Variants in CEP162 observed in about 807,000 individuals in gnomAD.
CEP162 encodes centrosomal protein of 162 kDa.
Under a neutral mutation model 169.2 loss-of-function variants are expected in CEP162, and 141 were observed. The ratio of observed to expected loss-of-function variants is 0.83; its 90% CI spans 0.73 to 0.96. The LOEUF (loss-of-function observed/expected upper bound fraction) is 0.96, where lower values mean the gene tolerates loss of function less well. CEP162 is among the 40% of genes least tolerant of loss of function. The pLI, the probability that CEP162 is intolerant of heterozygous loss-of-function variation, is 0.00. For synonymous variants in CEP162, 540 were observed against 526.4 expected, an observed-to-expected ratio of 1.03 and a Z score of -0.35; for missense variants, 1,600 against 1,587.2, an observed-to-expected ratio of 1.01 and a Z score of -0.14.
At chr6:84,161,054 T>C (rs2099525552) in intron 20 of CEP162, 138 bp from the exon 21 acceptor site, 1 of 639,882 alleles carries the variant, frequency 1.6e-6, no homozygotes, top group Admixed American at 2.5e-5. Context: ...CTCAAATTCT[T>C]TGAGCTCCTC....
At chr6:84,170,439 G>C (rs1325235657) in intron 17 of CEP162, among the ~76,000 whole-genome samples, 1 of 143,924 alleles carries the variant, frequency 6.9e-6, no homozygotes, top group South Asian at 2.2e-4. Context: ...CCACTGTGCA[G>C]ATTATCACAC....
intron 11 of CEP162, among the ~76,000 whole-genome samples, chr6:84,187,100 A>C (rs1285419740): frequency 6.6e-6 from 1 of 152,208 alleles, no homozygotes; most frequent in Non-Finnish European, 1.5e-5. Flanking sequence ...ATACTAAAAA[A>C]GCATATATTT....
intron 6 of CEP162, among the ~76,000 whole-genome samples, chr6:84,205,113 A>G (rs1321457568): frequency 6.6e-6 from 1 of 152,230 alleles, no homozygotes. Context: ...GTCCAGGACC[A>G]GACGGATTCA....
chr6:84,215,772 T>G lies in CEP162; in HGVS notation c.319+4A>C, dbSNP rs182039124. On this transcript the variant is annotated splice_donor_region_variant and intron_variant, in intron 4 of 26. Transcript: ENST00000403245. ...TACCAACTCATATCCCTTGCATTTC[T>G]TACCATTTGTTTCTAAGCTATCAGT... 1.1e-4 allele frequency: 171 copies of G among 1,581,644 alleles called. No homozygotes were observed. The African/African-American group carries it at 2.2e-3, about 20-fold the overall frequency.
rs572771709 is a variant in CEP162, at chr6:84,186,021, G to A, written c.1401+311C>T. Among the ~76,000 whole-genome samples the A allele has an allele frequency of 2.0e-5, 3 of 152,142 alleles. No individual in the cohort carries two copies. The East Asian group carries it at 5.8e-4, about 29-fold the overall frequency. On this transcript the variant is annotated intron_variant, in intron 12 of 26. Transcript: ENST00000403245. ...TACAAATGACTGGAAAGACTGAACA[G>A]TGCATACTACAATGATGAATAAACT...
At chr6:84,195,177 GAGTTA>G in intron 9 of CEP162, 102 bp from the exon 10 acceptor site, 2 of 988,324 alleles carry the variant, frequency 2.0e-6, no homozygotes, top group Non-Finnish European at 2.9e-6. Context: ...TATAAAAGTA[GAGTTA>G]AGTACTAACT....
intron 14 of CEP162, 65 bp downstream of exon 14, chr6:84,175,149 T>C: frequency 3.6e-6 from 4 of 1,112,126 alleles, no homozygotes; most frequent in East Asian, 5.4e-5. Flanking sequence ...TTTTGTTATA[T>C]ATAATTTAGT....
At chr6:84,168,521 T>G (rs1289152365) in intron 18 of CEP162, among the ~76,000 whole-genome samples, 3 of 152,154 alleles carry the variant, frequency 2.0e-5, no homozygotes, top group Non-Finnish European at 4.4e-5. Context: ...CTTTTTAGTT[T>G]AGTACTATCA....
At chr6:84,154,541 G>C (rs1205636290) in intron 22 of CEP162, among the ~76,000 whole-genome samples, 3 of 151,904 alleles carry the variant, frequency 2.0e-5, no homozygotes, top group Non-Finnish European at 4.4e-5. Context: ...GCTTTTCTCG[G>C]GATATAAATA....
chr6:84,197,465 G>A (rs1476112670), intron 9 of CEP162, among the ~76,000 whole-genome samples: 1 of 152,070 alleles, frequency 6.6e-6, no homozygotes, highest in Non-Finnish European at 1.5e-5. Context: ...AGAAGACTCT[G>A]TAGTTATTTT....
At chr6:84,128,672 C>T (rs1222725709) in intron 25 of CEP162, among the ~76,000 whole-genome samples, 2 of 152,044 alleles carry the variant, frequency 1.3e-5, no homozygotes, top group African/African-American at 4.8e-5. Flanking sequence ...AAACACTTTG[C>T]ACAGTTCCTA....
chr6:84,144,488 ATAGT>A (rs1398298436), intron 25 of CEP162, among the ~76,000 whole-genome samples: 2 of 152,084 alleles, frequency 1.3e-5, no homozygotes, highest in African/African-American at 4.8e-5. Flanking sequence ...TCATCCACAG[ATAGT>A]TAATTGTTTT....
chr6:84,145,817 C>G (rs1056550374), intron 25 of CEP162, among the ~76,000 whole-genome samples: 1 of 152,112 alleles, frequency 6.6e-6, no homozygotes, highest in Non-Finnish European at 1.5e-5. Flanking sequence ...ACTAGACATA[C>G]TCAAACTGTA....
chr6:84,128,653 A>C (rs1385785286), intron 25 of CEP162, among the ~76,000 whole-genome samples: 4 of 152,164 alleles, frequency 2.6e-5, no homozygotes, highest in Non-Finnish European at 5.9e-5. Flanking sequence ...AAATAAAATA[A>C]GGTATATAAA....
At chr6:84,141,974 C>T (rs949043614) in intron 25 of CEP162, among the ~76,000 whole-genome samples, 2 of 152,198 alleles carry the variant, frequency 1.3e-5, no homozygotes, top group African/African-American at 4.8e-5. Context: ...CGTCCTTTCT[C>T]AGTCTCTCAG....
intron 21 of CEP162, among the ~76,000 whole-genome samples, chr6:84,157,866 G>A (rs56384331): frequency 2.0e-5 from 3 of 151,862 alleles, no homozygotes; most frequent in African/African-American, 7.3e-5. Flanking sequence ...TGACTCTGCC[G>A]GAAGCTCTAC....
At chr6:84,157,164 A>G (rs2099523547) in intron 21 of CEP162, among the ~76,000 whole-genome samples, 1 of 152,240 alleles carries the variant, frequency 6.6e-6, no homozygotes, top group African/African-American at 2.4e-5. Context: ...AAATATATGT[A>G]AAATAAAGCA....
Position 84,185,441 on chromosome 6 carries a change from C to G in CEP162, c.1409G>C (p.Arg470Thr). ...SQDDKINKTY[R>T]SQLSSEEEGA... is the part of the protein sequence containing the mutation. ...TTCTTCTTCAGAACTAAGTTGAGAT[C>G]TGTAAGTCTGTACACAACAAACAAA... Residue 470 changes from arginine to threonine, a missense_variant, in exon 13 of 27, where the codon AGA (arginine) becomes ACA (threonine). Arg to Thr is a moderately conservative substitution (Grantham distance 71). Transcript: ENST00000403245. The G allele has an allele frequency of 6.2e-7, 1 of 1,612,844 alleles. No homozygotes were observed. The highest frequency in any genetic ancestry group is 1.7e-5 in the Admixed American group (1 of 59,958).
chr6:84,214,704 T>C (rs2099550859), intron 5 of CEP162, among the ~76,000 whole-genome samples: 1 of 152,194 alleles, frequency 6.6e-6, no homozygotes, highest in South Asian at 2.1e-4. Context: ...CTTCTTTCCA[T>C]TCATAATTTT....
Sources: allele counts gnomAD v4.1 joint callset (sites outside exome capture counted in the v4.1 genomes callset), GRCh38; gene constraint gnomAD v4.1.1; transcripts MANE v1.5; gene names NCBI Gene and HGNC (gene_info 2026-07-23, HGNC 2026-07-21).